ANO4: variants seen among roughly 807,000 people sequenced by gnomAD.
ANO4 encodes anoctamin 4, also known as anoctamin-4.
In ANO4, 69 loss-of-function variants were observed where a neutral mutation model predicts 141.9. The ratio of observed to expected loss-of-function variants is 0.49; its 90% CI spans 0.40 to 0.59. The LOEUF (loss-of-function observed/expected upper bound fraction) is 0.59. Among genes scored for constraint, ANO4 ranks in the 20% least tolerant of loss-of-function variants. The pLI is 0.00. For missense variants in ANO4, 894 were observed against 1,162.2 expected, an observed-to-expected ratio of 0.77 and a Z score of 3.36; for synonymous variants, 350 against 394.3, an observed-to-expected ratio of 0.89 and a Z score of 1.33.
intron 15 of ANO4, among the ~76,000 whole-genome samples, chr12:101,080,900 T>TATATATATATACACAC (rs1194122665): frequency 3.1e-5 from 4 of 131,042 alleles, no homozygotes; most frequent in Non-Finnish European, 4.8e-5. Context: ...TATATATATA[T>TATATATATATACACAC]ACATACACAT....
chr12:100,773,250 C>A (rs969066681), intron 3 of ANO4, among the ~76,000 whole-genome samples: 3 of 152,164 alleles, frequency 2.0e-5, no homozygotes, highest in African/African-American at 7.2e-5. Context: ...GAAGGCTGAG[C>A]CCCATCTCCA....
chr12:100,801,920 G>A (rs77519101), intron 1 of ANO4, among the ~76,000 whole-genome samples: 214 of 152,282 alleles, frequency 1.4e-3, no homozygotes, highest in African/African-American at 5.0e-3. Flanking sequence ...TCTCTTCTCA[G>A]GTTTAATTAA....
intron 1 of ANO4, among the ~76,000 whole-genome samples, chr12:100,874,766 C>A (rs150956461): frequency 2.0e-5 from 3 of 152,054 alleles, no homozygotes; most frequent in South Asian, 2.1e-4. Context: ...GTCATCTGCC[C>A]GCCTCAGCCT....
intron 5 of ANO4, among the ~76,000 whole-genome samples, chr12:100,953,525 T>C (rs1016846388): frequency 1.3e-5 from 2 of 152,252 alleles, no homozygotes; most frequent in African/African-American, 4.8e-5. Context: ...CAGTCTGTGG[T>C]ATCTAATAAC....
chr12:100,767,782 G>A (rs1029934570), intron 3 of ANO4, among the ~76,000 whole-genome samples: 1 of 152,212 alleles, frequency 6.6e-6, no homozygotes, highest in African/African-American at 2.4e-5. Flanking sequence ...CATGGAGAAG[G>A]GAAGCCACTA....
intron 21 of ANO4, among the ~76,000 whole-genome samples, chr12:101,098,443 T>C (rs1176134888): frequency 6.6e-6 from 1 of 152,176 alleles, no homozygotes; most frequent in Non-Finnish European, 1.5e-5. Context: ...CAACAATGCT[T>C]CTATTCTGCT....
chr12:100,948,858 A>G (rs2042853868), intron 5 of ANO4, among the ~76,000 whole-genome samples: 2 of 152,158 alleles, frequency 1.3e-5, no homozygotes, highest in Admixed American at 1.3e-4. Flanking sequence ...GAATATGACA[A>G]ATTTAATGGG....
In ANO4 at chr12:100,939,409, T is replaced by C; in HGVS notation, c.255T>C (p.Thr85=). The change falls in exon 4 of 28, where the codon ACT becomes ACC. Residue 85 remains threonine (T), a synonymous_variant. Coordinates refer to ENST00000392977, the MANE Select transcript of ANO4 (RefSeq NM_001286615.2). ...DDSLLHPGNL[T]STSDDASRLE... ...CTCTTCTTCACCCTGGAAACCTGAC[T>C]AGTACTTCAGATGATGCCAGCAGAT... The C allele has an allele frequency of 6.2e-7, 1 of 1,613,752 alleles. No homozygotes were observed. Among genetic ancestry groups the C allele is most frequent in the Non-Finnish European group, 8.5e-7 (1 of 1,179,716 alleles).
intron 9 of ANO4, among the ~76,000 whole-genome samples, chr12:101,024,578 A>G (rs1438516161): frequency 1.3e-5 from 2 of 149,488 alleles, no homozygotes; most frequent in Admixed American, 1.3e-4. Context: ...CCTGGGCAAC[A>G]GAGTGAGACT....
At chr12:100,963,496 G>C (rs1476898688) in intron 5 of ANO4, among the ~76,000 whole-genome samples, 1 of 152,088 alleles carries the variant, frequency 6.6e-6, no homozygotes, top group Non-Finnish European at 1.5e-5. Context: ...GTGTCTGTGT[G>C]TGTGTGTGTC....
At chr12:101,084,534 T>C (rs1203664723) in intron 16 of ANO4, among the ~76,000 whole-genome samples, 1 of 152,112 alleles carries the variant, frequency 6.6e-6, no homozygotes, top group Non-Finnish European at 1.5e-5. Flanking sequence ...AAATGATGAG[T>C]ATATAAATAT....
chr12:101,020,265 C>T (rs908725301), intron 9 of ANO4, 125 bp downstream of exon 9: 1 of 637,038 alleles, frequency 1.6e-6, no homozygotes, highest in African/African-American at 1.9e-5. Context: ...CCTAACTAAT[C>T]CTTTGATGAA....
At position 101,086,715 on chromosome 12, in the gene ANO4, T is replaced by A; in HGVS notation, c.1592T>A (p.Val531Asp). The change falls in exon 17 of 28, where the codon GTC becomes GAC. Residue 531 changes from valine to aspartate, a missense_variant. Transcript: ENST00000392977. ...ATCGTCATTTACCGGGTGGTGACTGTCAGCACTTTCGCTGCCTTTAAGTGG... is the reference window on the plus strand; with the variant it reads ...ATCGTCATTTACCGGGTGGTGACTGACAGCACTTTCGCTGCCTTTAAGTGG... ...FGIVIYRVVT[V>D]STFAAFKWAL... 1.2e-6 allele frequency: 2 copies of A among 1,613,866 alleles called. No individual in the cohort carries two copies. The highest frequency in any genetic ancestry group is 1.7e-6 in the Non-Finnish European group (2 of 1,179,830).
chr12:100,891,093 AT>A (rs2040082919), intron 1 of ANO4, among the ~76,000 whole-genome samples: 1 of 152,190 alleles, frequency 6.6e-6, no homozygotes, highest in Non-Finnish European at 1.5e-5. Context: ...GTTCTTGAAC[AT>A]TTAAGGTAAG....
intron 1 of ANO4, among the ~76,000 whole-genome samples, chr12:100,807,243 C>A (rs187195123): frequency 1.2e-3 from 185 of 152,226 alleles, no homozygotes; most frequent in Non-Finnish European, 2.2e-3. Context: ...ATGATTTTTA[C>A]TTGGGCCAAG....
chr12:101,083,924 T>G (rs1338167746), intron 16 of ANO4, 106 bp downstream of exon 16: 16 of 1,136,190 alleles, frequency 1.4e-5, no homozygotes, highest in Non-Finnish European at 1.9e-5. Context: ...ATTTTTGCAC[T>G]TTGTTATTTA....
chr12:101,120,323 C>T (rs753933139), intron 25 of ANO4, among the ~76,000 whole-genome samples, 197 bp from the exon 26 acceptor site: 2 of 152,004 alleles, frequency 1.3e-5, no homozygotes, highest in Non-Finnish European at 2.9e-5. Flanking sequence ...CCTAGTCAAC[C>T]CACACAGATG....
At position 100,725,593 on chromosome 12, in the gene ANO4, G is replaced by A. The variant is rs994587020; in HGVS notation, c.22+8046G>A. Reference sequence around the variant, plus strand: ...AATCTCCTGACCTTGTGATCCACCCGCCTCGGCCTCCCAAAGTGCTGGGAT... The same window carrying A: ...AATCTCCTGACCTTGTGATCCACCCACCTCGGCCTCCCAAAGTGCTGGGAT... On this transcript the variant is annotated intron_variant, in intron 1 of 29. Transcript: ENST00000644049. Among the ~76,000 whole-genome samples the A allele has an allele frequency of 3.3e-5, 5 of 152,124 alleles. No individual in the cohort carries two copies. In the East Asian group the frequency reaches 5.8e-4, roughly 18 times the overall value.
At chr12:101,037,216 A>T in intron 10 of ANO4, 66 bp downstream of exon 10, 1 of 1,497,660 alleles carries the variant, frequency 6.7e-7, no homozygotes, top group Non-Finnish European at 9.2e-7. Flanking sequence ...GCTTCTAGAG[A>T]TAGTCAATAA....
Sources: allele counts gnomAD v4.1 joint callset (sites outside exome capture counted in the v4.1 genomes callset), GRCh38; gene constraint gnomAD v4.1.1; transcripts MANE v1.5; gene names NCBI Gene and HGNC (gene_info 2026-07-23, HGNC 2026-07-21).